The following SNX19 variants were observed in gnomAD, a reference collection of about 807,000 sequenced individuals.
SNX19 encodes sorting nexin 19.
In SNX19, 60 loss-of-function variants were observed where a neutral mutation model predicts 85.2. The observed-to-expected ratio is 0.70, with a 90% CI of 0.57 to 0.87. The LOEUF (loss-of-function observed/expected upper bound fraction) is 0.87, where lower values mean the gene tolerates loss of function less well. Among genes scored for constraint, SNX19 ranks in the 40% least tolerant of loss-of-function variants. The probability of loss-of-function intolerance (pLI) is 0.00; values close to 1 mark genes in which losing one functional copy is unlikely to be tolerated. For synonymous variants in SNX19, 520 were observed against 470.0 expected (o/e 1.11, Z -1.38); for missense variants, 1,201 against 1,217.8 (o/e 0.99, Z 0.21).
At chr11:130,892,599 T>C (rs181982927) in intron 8 of SNX19, among the ~76,000 whole-genome samples, 1 of 152,334 alleles carries the variant, frequency 6.6e-6, no homozygotes, top group African/African-American at 2.4e-5. Flanking sequence ...AAGCTTACTC[T>C]TCCTGGCAGG....
chr11:130,906,011 C>T lies in SNX19; in HGVS notation c.2385G>A (p.Val795=), dbSNP rs553468459. 1 of 1,614,190 alleles carries T rather than the reference C, an allele frequency of 6.2e-7. No individual in the cohort carries two copies. Among genetic ancestry groups the T allele is most frequent in the South Asian group, 1.1e-5 (1 of 91,084 alleles). The change falls in exon 7 of 11, where the codon GTG becomes GTA. Residue 795 remains valine, a synonymous_variant. Coordinates refer to ENST00000265909, the MANE Select transcript of SNX19 (RefSeq NM_014758.3). ...KDPEQPPKGR[V]DSCVSDAAVP... is the part of the protein sequence containing the mutation. ...CGGCTGCATCTGACACGCAACTGTC[C>T]ACACGTCCTTTGGGAGGTTGTTCAG...
intron 7 of SNX19, among the ~76,000 whole-genome samples, chr11:130,903,647 C>T (rs2846247): frequency 6.7e-6 from 1 of 149,466 alleles, no homozygotes. Flanking sequence ...AGATATATAT[C>T]TTCTAATTAT....
rs1356520647 is a variant in SNX19, at chr11:130,867,772, A to G, written c.*10650T>C. 6.6e-6 allele frequency: 1 copy of G among 152,108 alleles called. No homozygotes were observed. Among genetic ancestry groups the G allele is most frequent in the Non-Finnish European group, 1.5e-5 (1 of 68,030 alleles). 9.4% of individuals were successfully genotyped at this position (152,108 alleles called of 1,614,324 possible). On this transcript the variant is annotated 3_prime_UTR_variant, in exon 11 of 11. Coordinates refer to ENST00000265909, the MANE Select transcript of SNX19 (RefSeq NM_014758.3). ...AGACAGCTTCTGCTCCCTATCTGATATTACCAAGCTGGACAGCATCTTTTC... is the reference window on the plus strand; with the variant it reads ...AGACAGCTTCTGCTCCCTATCTGATGTTACCAAGCTGGACAGCATCTTTTC...
Position 130,868,893 on chromosome 11 carries a change from G to A in SNX19, c.*9529C>T, listed in dbSNP as rs1195016713. On this transcript the variant is annotated 3_prime_UTR_variant, in exon 11 of 11. Transcript: ENST00000265909. ...GGGATGAGGATTCCAAGCCTATCAGGAGGAAAGAAATATGTTACTCACTGC... is the reference window on the plus strand; with the variant it reads ...GGGATGAGGATTCCAAGCCTATCAGAAGGAAAGAAATATGTTACTCACTGC... The A allele has an allele frequency of 3.3e-5, 5 of 152,240 alleles. No individual in the cohort carries two copies. The highest frequency in any genetic ancestry group is 7.3e-5 in the Non-Finnish European group (5 of 68,062). 9.4% of individuals were successfully genotyped at this position (152,240 alleles called of 1,614,324 possible).
At position 130,872,719 on chromosome 11, in the gene SNX19, A is replaced by C. The variant is rs1171952879; in HGVS notation, c.*5703T>G. On this transcript the variant is annotated 3_prime_UTR_variant, in exon 11 of 11. Coordinates refer to ENST00000265909, the MANE Select transcript of SNX19 (RefSeq NM_014758.3). ...CAGTGGAAAGGAAGCAGAGGGGCCA[A>C]GTTATGGCAGAGTGCGCCCAGTTAG... is the stretch of plus-strand genomic sequence containing the variant. Among the ~76,000 whole-genome samples the C allele has an allele frequency of 6.6e-6, 1 of 152,172 alleles. No homozygotes were observed. Among genetic ancestry groups the C allele is most frequent in the Non-Finnish European group, 1.5e-5 (1 of 68,038 alleles).
At chr11:130,894,653 G>C (rs1944748230) in intron 8 of SNX19, 1 of 985,316 alleles carries the variant, frequency 1.0e-6, no homozygotes, top group Non-Finnish European at 1.2e-6. Context: ...GCAGCAGTTT[G>C]GTAGGCTTTT....
chr11:130,891,396 A>G (rs1181170565), intron 8 of SNX19, among the ~76,000 whole-genome samples: 1 of 152,156 alleles, frequency 6.6e-6, no homozygotes, highest in Non-Finnish European at 1.5e-5. Flanking sequence ...AAGGCAAGGG[A>G]GTGGGTCAGC....
At chr11:130,898,898 T>C (rs1034265272) in intron 8 of SNX19, among the ~76,000 whole-genome samples, 2 of 152,190 alleles carry the variant, frequency 1.3e-5, no homozygotes, top group African/African-American at 4.8e-5. Flanking sequence ...GGTTGGCTTT[T>C]ATCCTGCTGA....
chr11:130,894,719 A>C, intron 8 of SNX19: 3 of 985,420 alleles, frequency 3.0e-6, no homozygotes, highest in Non-Finnish European at 3.6e-6. Context: ...GCTGGCTAAA[A>C]ATATTCCAGG....
At chr11:130,912,700 G>A (rs947265440) in intron 1 of SNX19, among the ~76,000 whole-genome samples, 1 of 152,128 alleles carries the variant, frequency 6.6e-6, no homozygotes, top group Non-Finnish European at 1.5e-5. Flanking sequence ...GCTGATGTGA[G>A]CAAAGCAGTC....
chr11:130,911,753 C>A lies in SNX19; in HGVS notation c.1693G>T (p.Gly565Cys). The change falls in exon 2 of 11, where the codon GGT becomes TGT. Residue 565 changes from glycine to cysteine, a missense_variant. Around this residue, in one of 3 missense-constraint regions of SNX19, gnomAD observed 791 missense variants for 750.9 expected, o/e 1.05. Coordinates refer to ENST00000265909, the MANE Select transcript of SNX19 (RefSeq NM_014758.3). ...YTVKYETALD[G>C]ENSSGLQQLA... ...TGCTGCAGGCCGCTGCTGTTTTCAC[C>A]GTCAAGGGCTGTCTCGTACTGTTCA... 6.2e-7 allele frequency: 1 copy of A among 1,614,138 alleles called. No homozygotes were observed.
chr11:130,885,999 C>T (rs955181388), intron 8 of SNX19, among the ~76,000 whole-genome samples: 1 of 152,198 alleles, frequency 6.6e-6, no homozygotes. Context: ...TGCCCCTCCT[C>T]CCCTCAAACT....
chr11:130,914,229 T>G, intron 1 of SNX19, 37 bp downstream of exon 1: 4 of 1,505,878 alleles, frequency 2.7e-6, no homozygotes, highest in Non-Finnish European at 3.6e-6. Flanking sequence ...AACCCACTCC[T>G]AGCCCGGGTG....
intron 8 of SNX19, chr11:130,893,857 T>TA (rs750305297): frequency 2.9e-6 from 2 of 701,128 alleles, no homozygotes; most frequent in South Asian, 3.0e-5. Context: ...AGAGCTAAAG[T>TA]ATATTTCCCA....
At position 130,878,464 on chromosome 11, in the gene SNX19, T is replaced by A. The variant is rs1254310660; in HGVS notation, c.2937A>T (p.Ser979=). 6.2e-7 allele frequency: 1 copy of A among 1,613,852 alleles called. No homozygotes were observed. The highest frequency in any genetic ancestry group is 1.1e-5 in the South Asian group (1 of 91,052). ...TCCTCTTAGAGTTGCCTGGGGTATC[T>A]GAGGCAGAGGTGGTAGCAGCAGACT... ...VEESAATTSA[S]DTPGNSKRMG... The change falls in exon 11 of 11, where the codon TCA becomes TCT. Residue 979 remains serine (S), a synonymous_variant. Transcript: ENST00000265909.
Position 130,915,303 on chromosome 11 carries a change from G to A in SNX19, c.637C>T (p.Arg213Cys), listed in dbSNP as rs1592388262. 2.5e-6 allele frequency: 4 copies of A among 1,614,188 alleles called. No individual in the cohort carries two copies. Among genetic ancestry groups the A allele is most frequent in the South Asian group, 1.1e-5 (1 of 91,088 alleles). The change falls in exon 1 of 11, where the codon CGT (arginine) becomes TGT (cysteine). Residue 213 changes from arginine (R) to cysteine (C), a missense_variant. This residue lies in a region of SNX19 where 791 missense variants were observed against 750.9 expected (regional missense o/e 1.05). Coordinates refer to ENST00000265909, the MANE Select transcript of SNX19 (RefSeq NM_014758.3). ...HSPSAEVTYTRGVVNLLLQGL... is the reference protein window; with the variant it reads ...HSPSAEVTYTCGVVNLLLQGL... The stretch of plus-strand genomic sequence containing the variant: ...TGAAGCAACAAATTCACAACGCCAC[G>A]CGTATAGGTGACTTCAGCACTGGGG...
intron 8 of SNX19, among the ~76,000 whole-genome samples, chr11:130,889,234 T>C (rs752280838): frequency 3.9e-5 from 6 of 152,118 alleles, no homozygotes; most frequent in Non-Finnish European, 7.4e-5. Context: ...TGTCCCCTCT[T>C]TCTGTTTTTA....
intron 8 of SNX19, among the ~76,000 whole-genome samples, chr11:130,892,225 GC>G (rs1204311615): frequency 6.7e-6 from 1 of 150,332 alleles, no homozygotes; most frequent in Non-Finnish European, 1.5e-5. Flanking sequence ...ATACTATGTT[GC>G]TACCGACATA....
At chr11:130,899,563 A>C (rs1945121572) in intron 8 of SNX19, among the ~76,000 whole-genome samples, 1 of 152,244 alleles carries the variant, frequency 6.6e-6, no homozygotes, top group African/African-American at 2.4e-5. Context: ...AGTCTGTGGA[A>C]GCTTGGGTGA....
Sources: allele counts gnomAD v4.1 joint callset (sites outside exome capture counted in the v4.1 genomes callset), GRCh38; gene constraint gnomAD v4.1.1; regional missense constraint gnomAD v4.1.1; transcripts MANE v1.5; gene names NCBI Gene and HGNC (gene_info 2026-07-23, HGNC 2026-07-21).